Variants in TMEM178B observed in about 807,000 individuals in gnomAD.
The protein encoded by TMEM178B is transmembrane protein 178B.
A neutral mutation model predicts 31.0 loss-of-function variants in TMEM178B; 5 were observed. The ratio of observed to expected loss-of-function variants is 0.16; its 90% CI spans 0.08 to 0.34. TMEM178B has a LOEUF of 0.34. Among genes scored for constraint, TMEM178B ranks in the 10% least tolerant of loss-of-function variants. TMEM178B has a pLI of 1.00. For missense variants in TMEM178B, 275 were observed against 400.3 expected, an observed-to-expected ratio of 0.69 and a Z score of 2.67; for synonymous variants, 164 against 164.0, an observed-to-expected ratio of 1.00 and a Z score of 0.00.
chr7:141,411,060 T>C (rs1306927321), intron 2 of TMEM178B, among the ~76,000 whole-genome samples: 6 of 151,128 alleles, frequency 4.0e-5, no homozygotes, highest in African/African-American at 1.5e-4. Flanking sequence ...TTTACTCGAA[T>C]AAAATAAAAA....
intron 2 of TMEM178B, among the ~76,000 whole-genome samples, chr7:141,261,463 G>A (rs1798011088): frequency 6.6e-6 from 1 of 152,090 alleles, no homozygotes; most frequent in Non-Finnish European, 1.5e-5. Context: ...GGAACTTTTG[G>A]GTGGTTGGAA....
At chr7:141,469,764 A>T (rs1802205782) in intron 3 of TMEM178B, among the ~76,000 whole-genome samples, 1 of 152,250 alleles carries the variant, frequency 6.6e-6, no homozygotes, top group Non-Finnish European at 1.5e-5. Context: ...TCTACCTCTT[A>T]TAGCAGTTTT....
At chr7:141,142,438 C>T (rs1352711954) in intron 1 of TMEM178B, among the ~76,000 whole-genome samples, 6 of 147,126 alleles carry the variant, frequency 4.1e-5, no homozygotes, top group Admixed American at 1.4e-4. Flanking sequence ...GATGGAGTCT[C>T]GCTCTGTCAC....
chr7:141,194,679 C>A (rs1586819557), intron 1 of TMEM178B, among the ~76,000 whole-genome samples: 2 of 152,250 alleles, frequency 1.3e-5, no homozygotes, highest in Middle Eastern at 6.8e-3. Context: ...AGGATGGTGG[C>A]CCTCTTCTCA....
chr7:141,365,079 C>T (rs1799981648), intron 2 of TMEM178B, among the ~76,000 whole-genome samples: 1 of 152,232 alleles, frequency 6.6e-6, no homozygotes, highest in South Asian at 2.1e-4. Flanking sequence ...CTTGGGGGGC[C>T]TGTAGGCCCG....
rs189875710 is a variant in TMEM178B, at chr7:141,109,416, A to C, written c.382+34724A>C. Among the ~76,000 whole-genome samples, 676 of 152,282 alleles carry C rather than the reference A, an allele frequency of 4.4e-3. 11 individuals carry two copies. The highest frequency in any genetic ancestry group is 0.015 in the African/African-American group (635 of 41,556). On this transcript the variant is annotated intron_variant, in intron 1 of 3. Transcript: ENST00000565468. Reference sequence around the variant, plus strand: ...GGTGGTGGACAGAGTGTGACACGTGAAATTGTGATTATGGAGGAGTTGCAG... The same window carrying C: ...GGTGGTGGACAGAGTGTGACACGTGCAATTGTGATTATGGAGGAGTTGCAG...
chr7:141,079,448 A>G (rs1173083563), intron 1 of TMEM178B, among the ~76,000 whole-genome samples: 1 of 152,208 alleles, frequency 6.6e-6, no homozygotes, highest in Admixed American at 6.5e-5. Context: ...CGCAGAGCCT[A>G]TAGCCTCTAA....
rs189331949 is a variant in TMEM178B, at chr7:141,338,807, T to G, written c.497-98801T>G. On this transcript the variant is annotated intron_variant, in intron 2 of 3. Coordinates refer to ENST00000565468, the MANE Select transcript of TMEM178B (RefSeq NM_001195278.2). ...TCTCACTGTCAAAACCACTTCAAGCTGGCCAATGATGACATCTCTGCATAA... is the reference window on the plus strand; with the variant it reads ...TCTCACTGTCAAAACCACTTCAAGCGGGCCAATGATGACATCTCTGCATAA... Among the ~76,000 whole-genome samples the G allele has an allele frequency of 3.3e-5, 5 of 152,306 alleles. No homozygotes were observed. In the East Asian group the frequency reaches 9.7e-4, roughly 29 times the overall value.
chr7:141,158,632 G>A (rs1796114307), intron 1 of TMEM178B, among the ~76,000 whole-genome samples: 1 of 152,208 alleles, frequency 6.6e-6, no homozygotes, highest in African/African-American at 2.4e-5. Context: ...CTTGAGAAGA[G>A]GCCGAACCTG....
At chr7:141,076,567 A>G (rs760819511) in intron 1 of TMEM178B, among the ~76,000 whole-genome samples, 5 of 152,176 alleles carry the variant, frequency 3.3e-5, no homozygotes, top group Non-Finnish European at 7.4e-5. Context: ...TCTGCTTGGC[A>G]GTCTGACTAG....
chr7:141,164,979 A>C (rs562425244), intron 1 of TMEM178B, among the ~76,000 whole-genome samples: 5 of 152,290 alleles, frequency 3.3e-5, no homozygotes, highest in African/African-American at 1.2e-4. Context: ...TCCTTTTTGA[A>C]AGACATTTTA....
intron 2 of TMEM178B, among the ~76,000 whole-genome samples, chr7:141,357,929 C>T (rs1241564295): frequency 6.6e-6 from 1 of 152,188 alleles, no homozygotes; most frequent in Non-Finnish European, 1.5e-5. Flanking sequence ...GGTGAAGAAT[C>T]CCTGTGTTAC....
intron 2 of TMEM178B, among the ~76,000 whole-genome samples, chr7:141,216,458 C>T (rs879725894): frequency 0.46 from 33,585 of 72,644 alleles, 5,379 homozygotes; most frequent in Middle Eastern, 0.63. Context: ...TGCGCGCGCG[C>T]GCGCGTGTGT....
intron 2 of TMEM178B, among the ~76,000 whole-genome samples, chr7:141,245,635 C>T (rs536641697): frequency 3.3e-5 from 5 of 152,332 alleles, no homozygotes; most frequent in Middle Eastern, 3.4e-3. Context: ...AGTGCTCATA[C>T]GCTTTCACTT....
chr7:141,509,482 T>G, the TMEM178B span, among the ~76,000 whole-genome samples: 159 of 152,230 alleles, frequency 1.0e-3, 1 homozygote, highest in Non-Finnish European at 1.7e-3. Context: ...AAACCCCGTC[T>G]CTACTAAAAG....
intron 1 of TMEM178B, among the ~76,000 whole-genome samples, chr7:141,198,838 G>T (rs1002634366): frequency 5.3e-5 from 8 of 152,246 alleles, no homozygotes; most frequent in African/African-American, 1.7e-4. Context: ...GAGCTGCGCC[G>T]GGTGTCTGCA....
intron 1 of TMEM178B, among the ~76,000 whole-genome samples, chr7:141,153,266 T>C (rs1796008049): frequency 6.6e-6 from 1 of 152,238 alleles, no homozygotes; most frequent in Non-Finnish European, 1.5e-5. Flanking sequence ...GCAATATATT[T>C]TGAACATTTT....
intron 1 of TMEM178B, among the ~76,000 whole-genome samples, chr7:141,174,088 C>T (rs1213785955): frequency 6.6e-6 from 1 of 152,156 alleles, no homozygotes; most frequent in Non-Finnish European, 1.5e-5. Context: ...AGGTATATCT[C>T]CTAATGCTAT....
At chr7:141,353,536 C>A (rs1799770312) in intron 2 of TMEM178B, among the ~76,000 whole-genome samples, 1 of 152,212 alleles carries the variant, frequency 6.6e-6, no homozygotes, top group East Asian at 1.9e-4. Flanking sequence ...TAGCCTGTAA[C>A]TTTCTTTGAG....
Sources: allele counts gnomAD v4.1 joint callset (sites outside exome capture counted in the v4.1 genomes callset), GRCh38; gene constraint gnomAD v4.1.1; transcripts MANE v1.5; gene names NCBI Gene and HGNC (gene_info 2026-07-23, HGNC 2026-07-21).